The following ROBO1 variants were observed in gnomAD, a reference collection of about 807,000 sequenced individuals.
The protein encoded by ROBO1 is roundabout homolog 1.
ROBO1 carries 149 observed loss-of-function variants against 195.9 expected under a neutral mutation model. The ratio of observed to expected loss-of-function variants is 0.76; its 90% CI spans 0.67 to 0.87. The LOEUF is 0.87. Among genes scored for constraint, ROBO1 ranks in the 40% least tolerant of loss-of-function variants. The probability of loss-of-function intolerance (pLI) is 0.00; values close to 1 mark genes in which losing one functional copy is unlikely to be tolerated. For missense variants in ROBO1, 1,933 were observed against 2,068.3 expected, an observed-to-expected ratio of 0.93 and a Z score of 1.27; for synonymous variants, 816 against 733.2, an observed-to-expected ratio of 1.11 and a Z score of -1.82.
chr3:78,743,660 A>G (rs762374082), intron 5 of ROBO1, among the ~76,000 whole-genome samples: 2 of 152,172 alleles, frequency 1.3e-5, no homozygotes, highest in Non-Finnish European at 2.9e-5. Flanking sequence ...CATTCATTTT[A>G]CATGTCCATC....
intron 3 of ROBO1, among the ~76,000 whole-genome samples, chr3:79,027,256 A>G (rs1251462497): frequency 6.6e-6 from 1 of 152,092 alleles, no homozygotes; most frequent in Non-Finnish European, 1.5e-5. Flanking sequence ...TTATTTTTGG[A>G]GTCAGTAAAT....
At chr3:79,066,379 C>T (rs1247026048) in intron 3 of ROBO1, among the ~76,000 whole-genome samples, 1 of 151,810 alleles carries the variant, frequency 6.6e-6, no homozygotes, top group Non-Finnish European at 1.5e-5. Flanking sequence ...TAATTTTTCA[C>T]TAAGTTATAC....
chr3:79,304,118 C>T lies in ROBO1; in HGVS notation c.89-178579G>A, dbSNP rs562241846. 8.5e-5 allele frequency among the ~76,000 whole-genome samples: 13 copies of T among 152,182 alleles called. No individual in the cohort carries two copies. The East Asian group carries it at 1.5e-3, about 18-fold the overall frequency. On this transcript the variant is annotated intron_variant, in intron 2 of 30. Transcript: ENST00000464233. ...TTGATACTATAAAGCATTAAATATA[C>T]GCAAGAAATCGTTAGTTAATAAAAA...
intron 1 of ROBO1, among the ~76,000 whole-genome samples, chr3:79,716,482 TTAAC>T (rs1464568227): frequency 8.6e-5 from 13 of 151,986 alleles, no homozygotes; most frequent in Non-Finnish European, 1.0e-4. Flanking sequence ...ATGGTGATTT[TTAAC>T]TAAGTAAATA....
intron 2 of ROBO1, among the ~76,000 whole-genome samples, chr3:79,301,284 C>A (rs1393477274): frequency 6.6e-6 from 1 of 152,104 alleles, no homozygotes; most frequent in Non-Finnish European, 1.5e-5. Context: ...AAGAGCTGAC[C>A]GCGAGAGTCC....
intron 5 of ROBO1, among the ~76,000 whole-genome samples, chr3:78,744,487 C>A (rs553042301): frequency 1.3e-5 from 2 of 152,196 alleles, no homozygotes; most frequent in African/African-American, 4.8e-5. Context: ...TAAGAGCCTA[C>A]GCAGTTGGAC....
chr3:79,601,991 T>C (rs1944353556), intron 1 of ROBO1, among the ~76,000 whole-genome samples: 3 of 152,020 alleles, frequency 2.0e-5, no homozygotes. Context: ...TATTACAGCA[T>C]GATATTAATT....
intron 1 of ROBO1, among the ~76,000 whole-genome samples, chr3:79,718,218 G>A (rs960901831): frequency 9.9e-5 from 15 of 151,964 alleles, no homozygotes; most frequent in Non-Finnish European, 2.9e-5. Flanking sequence ...TATCTTAAAT[G>A]TAGTAAATGT....
intron 3 of ROBO1, among the ~76,000 whole-genome samples, chr3:78,999,246 T>G (rs2077439604): frequency 6.6e-6 from 1 of 151,946 alleles, no homozygotes; most frequent in Admixed American, 6.6e-5. Flanking sequence ...TACAAAAAGA[T>G]AAATACACTT....
At chr3:79,040,807 C>T (rs1409202801) in intron 3 of ROBO1, among the ~76,000 whole-genome samples, 2 of 152,126 alleles carry the variant, frequency 1.3e-5, no homozygotes, top group African/African-American at 4.8e-5. Flanking sequence ...TTCTTTTCAA[C>T]ACAAAGTATT....
chr3:79,701,468 G>A (rs1167726495), intron 1 of ROBO1, among the ~76,000 whole-genome samples: 12 of 151,482 alleles, frequency 7.9e-5, no homozygotes, highest in Admixed American at 5.3e-4. Flanking sequence ...GAGCTAAAAC[G>A]GGCCTGAGTT....
At chr3:79,242,931 A>G (rs1697011651) in intron 2 of ROBO1, among the ~76,000 whole-genome samples, 1 of 151,354 alleles carries the variant, frequency 6.6e-6, no homozygotes, top group South Asian at 2.1e-4. Context: ...TGCTGCACCT[A>G]TTAACTCATC....
intron 3 of ROBO1, among the ~76,000 whole-genome samples, chr3:79,003,346 G>T (rs1032104896): frequency 2.6e-5 from 4 of 151,568 alleles, no homozygotes; most frequent in Admixed American, 6.6e-5. Flanking sequence ...TGGAAATCAG[G>T]GTCTACACCC....
chr3:79,053,219 C>T (rs1276641668), intron 3 of ROBO1, among the ~76,000 whole-genome samples: 1 of 151,870 alleles, frequency 6.6e-6, no homozygotes, highest in Non-Finnish European at 1.5e-5. Flanking sequence ...AATCTGACGA[C>T]CCTCCACCTC....
intron 1 of ROBO1, among the ~76,000 whole-genome samples, chr3:79,616,503 A>G (rs1194286209): frequency 6.6e-6 from 1 of 152,098 alleles, no homozygotes; most frequent in Admixed American, 6.6e-5. Flanking sequence ...GCAGCCATCA[A>G]AGTGTACTTT....
At chr3:78,790,306 ATTATTTT>A (rs1338064642) in intron 4 of ROBO1, among the ~76,000 whole-genome samples, 2 of 151,978 alleles carry the variant, frequency 1.3e-5, no homozygotes, top group Non-Finnish European at 1.5e-5. Flanking sequence ...CATTGCTTTC[ATTATTTT>A]TTATTTTTTA....
chr3:79,340,736 A>T (rs2034874963), intron 2 of ROBO1, among the ~76,000 whole-genome samples: 1 of 152,228 alleles, frequency 6.6e-6, no homozygotes, highest in African/African-American at 2.4e-5. Flanking sequence ...GCCAGCTCTT[A>T]TAACAAAACC....
chr3:79,171,813 G>A (rs1433553881), intron 2 of ROBO1, among the ~76,000 whole-genome samples: 1 of 151,986 alleles, frequency 6.6e-6, no homozygotes, highest in African/African-American at 2.4e-5. Flanking sequence ...AAAGTCAATT[G>A]ACTATATGAA....
chr3:79,723,695 A>C (rs943914475), intron 1 of ROBO1, among the ~76,000 whole-genome samples: 1 of 152,194 alleles, frequency 6.6e-6, no homozygotes, highest in Non-Finnish European at 1.5e-5. Flanking sequence ...GAGTCATATG[A>C]ATAAAAATTA....
Sources: gnomAD v4.1 joint callset for allele counts (sites outside exome capture counted in the v4.1 genomes callset) on GRCh38, gnomAD v4.1.1 for gene constraint, MANE v1.5 for transcripts, NCBI Gene and HGNC (gene_info 2026-07-23, HGNC 2026-07-21) for gene names.